TSNARE1: variants seen among roughly 807,000 people sequenced by gnomAD.
TSNARE1 encodes the protein t-SNARE domain-containing protein 1.
A neutral mutation model predicts 62.0 loss-of-function variants in TSNARE1; 49 were observed. The ratio of observed to expected loss-of-function variants is 0.79; its 90% CI spans 0.63 to 1.00. TSNARE1 has a LOEUF of 1.00. Ranked by LOEUF, TSNARE1 falls within the 50% of genes least tolerant of loss-of-function variation. The probability of loss-of-function intolerance (pLI) is 0.00; values close to 1 mark genes in which losing one functional copy is unlikely to be tolerated. For synonymous variants in TSNARE1, 328 were observed against 294.4 expected, an observed-to-expected ratio of 1.11 and a Z score of -1.17; for missense variants, 755 against 700.1, an observed-to-expected ratio of 1.08 and a Z score of -0.88.
chr8:142,247,286 G>A (rs1057025723), intron 12 of TSNARE1, among the ~76,000 whole-genome samples: 13 of 152,202 alleles, frequency 8.5e-5, no homozygotes, highest in Middle Eastern at 3.2e-3. Context: ...CCCGAGGCTC[G>A]GGGTCCAGCC....
intron 9 of TSNARE1, among the ~76,000 whole-genome samples, chr8:142,304,549 G>A (rs747179619): frequency 3.3e-5 from 5 of 152,220 alleles, no homozygotes; most frequent in Non-Finnish European, 7.3e-5. Flanking sequence ...ACCCGAGCAC[G>A]AGGCTCTCCT....
intron 4 of TSNARE1, among the ~76,000 whole-genome samples, chr8:142,341,221 G>A (rs542134201): frequency 6.6e-6 from 1 of 152,316 alleles, no homozygotes; most frequent in East Asian, 1.9e-4. Context: ...GAGAGGACAA[G>A]GACATTGAGA....
At chr8:142,331,358 C>A (rs1831002298) in intron 5 of TSNARE1, among the ~76,000 whole-genome samples, 1 of 152,242 alleles carries the variant, frequency 6.6e-6, no homozygotes, top group Non-Finnish European at 1.5e-5. Flanking sequence ...CTCTGGTCTG[C>A]ACGTCTGAGA....
intron 10 of TSNARE1, among the ~76,000 whole-genome samples, chr8:142,287,873 G>C (rs1402198550): frequency 6.6e-6 from 1 of 151,012 alleles, no homozygotes; most frequent in African/African-American, 2.4e-5. Context: ...TGGAACCCAG[G>C]ACCTCGGCCA....
chr8:142,364,249 A>G (rs1481756785), intron 1 of TSNARE1, among the ~76,000 whole-genome samples: 1 of 152,162 alleles, frequency 6.6e-6, no homozygotes, highest in Admixed American at 6.5e-5. Flanking sequence ...GAGGAAGAGA[A>G]GCATGTCCTC....
chr8:142,396,754 G>A (rs1417894067), intron 1 of TSNARE1, among the ~76,000 whole-genome samples: 1 of 152,186 alleles, frequency 6.6e-6, no homozygotes, highest in African/African-American at 2.4e-5. Context: ...GTGACTTCAG[G>A]TAAGTTTCCC....
intron 12 of TSNARE1, among the ~76,000 whole-genome samples, chr8:142,264,732 C>A (rs1819047943): frequency 6.6e-6 from 1 of 152,202 alleles, no homozygotes; most frequent in Admixed American, 6.5e-5. Context: ...CTCTCTTTTG[C>A]ATAGCTTTTG....
At position 142,379,488 on chromosome 8, in the gene TSNARE1, G is replaced by A. The variant is rs577284913; in HGVS notation, c.-40+23616C>T. ...GTTTCACAACTTCTAAAACAAACAC[G>A]GCCAACACCACTCCTGCCAGGGGCA... On this transcript the variant is annotated intron_variant, in intron 1 of 13. Coordinates refer to ENST00000524325, the MANE Select transcript of TSNARE1 (RefSeq NM_145003.5). Among the ~76,000 whole-genome samples the A allele has an allele frequency of 8.5e-5, 13 of 152,346 alleles. No individual in the cohort carries two copies. The South Asian group carries it at 1.9e-3, about 22-fold the overall frequency.
chr8:142,238,549 A>C (rs1206321345), intron 12 of TSNARE1, among the ~76,000 whole-genome samples: 1 of 151,480 alleles, frequency 6.6e-6, no homozygotes, highest in African/African-American at 2.4e-5. Flanking sequence ...ACACCGTGGT[A>C]CCTCTCCTGC....
At chr8:142,229,017 TGATG>T (rs749236436) in intron 13 of TSNARE1, among the ~76,000 whole-genome samples, 41 of 145,080 alleles carry the variant, frequency 2.8e-4, no homozygotes, top group South Asian at 1.6e-3. Context: ...GTGGATGAGT[TGATG>T]GATGGATGGA....
chr8:142,253,783 G>A (rs1241836755), intron 12 of TSNARE1, among the ~76,000 whole-genome samples: 9 of 152,220 alleles, frequency 5.9e-5, no homozygotes, highest in African/African-American at 1.7e-4. Context: ...GTGGGAACGC[G>A]TAGCCAGCCT....
Position 142,272,567 on chromosome 8 carries a change from C to CCTGT in TSNARE1, c.1446+2213_1446+2214insACAG, listed in dbSNP as rs1819743215. 8.9e-6 allele frequency: 5 copies of CCTGT among 562,080 alleles called. No individual in the cohort carries two copies. The African/African-American group carries it at 2.7e-4, about 30-fold the overall frequency. 34.8% of individuals were successfully genotyped at this position (562,080 alleles called of 1,614,324 possible). ...CCTGTCTACACCTTCCTTCCATCCA[C>CCTGT]CCACCCGTCTACACCTTCCTCCTTC... On this transcript the variant is annotated intron_variant, in intron 12 of 13. Transcript: ENST00000524325.
In TSNARE1 at chr8:142,318,592, G is replaced by T. The variant is rs144275934; in HGVS notation, c.936C>A (p.Ser312Arg). ...QQETNKTIAA[S>R]ASSVKQMAEL... ...CGGCCATCTGCTTCACGGAGCTGGC[G>T]CTGGCTGCAATGGTCTTGTTGGTCT... Residue 312 changes from serine (S) to arginine (R), a missense_variant, in exon 7 of 14, where the codon AGC (serine) becomes AGA (arginine). By Grantham distance (110) the Ser-to-Arg change is moderately radical. Coordinates refer to ENST00000524325, the MANE Select transcript of TSNARE1 (RefSeq NM_145003.5). 42 of 1,613,754 alleles carry T rather than the reference G, an allele frequency of 2.6e-5. No homozygotes were observed. In the Admixed American group the frequency reaches 4.5e-4, roughly 17 times the overall value.
rs1277509994 is a variant in TSNARE1 at position 142,274,818 on chromosome 8, G to A, written c.1409C>T (p.Ala470Val). ...SLEAASSHAE[A>V]ARQLLAGASR... is the part of the protein sequence containing the mutation. Reference sequence around the variant, plus strand: ...GGCTCCAGCCAGGAGCTGGCGGGCTGCCTCCGCATGCGAGGACGCAGCCTC... The same window carrying A: ...GGCTCCAGCCAGGAGCTGGCGGGCTACCTCCGCATGCGAGGACGCAGCCTC... The change falls in exon 12 of 14, where the codon GCA becomes GTA. Residue 470 changes from alanine (A) to valine (V), a missense_variant. Ala to Val is a moderately conservative substitution (Grantham distance 64, BLOSUM62 0). Coordinates refer to ENST00000524325, the MANE Select transcript of TSNARE1 (RefSeq NM_145003.5). The A allele has an allele frequency of 1.3e-6, 2 of 1,580,190 alleles. No homozygotes were observed. The highest frequency in any genetic ancestry group is 1.7e-6 in the Non-Finnish European group (2 of 1,163,912).
chr8:142,222,554 A>T (rs1816394033), intron 13 of TSNARE1, among the ~76,000 whole-genome samples: 1 of 142,608 alleles, frequency 7.0e-6, no homozygotes, highest in South Asian at 2.3e-4. Flanking sequence ...TCACTCACTC[A>T]CTCACTCATT....
intron 11 of TSNARE1, among the ~76,000 whole-genome samples, chr8:142,282,523 G>A (rs1039492194): frequency 1.3e-5 from 2 of 151,658 alleles, no homozygotes; most frequent in African/African-American, 4.8e-5. Context: ...GAGCAGAGGC[G>A]GGGTCAGTGT....
chr8:142,342,668 C>A (rs1392278722), intron 4 of TSNARE1, among the ~76,000 whole-genome samples: 1 of 151,964 alleles, frequency 6.6e-6, no homozygotes, highest in Admixed American at 6.5e-5. Context: ...ATGTCTATGC[C>A]CAGCACCTGT....
chr8:142,401,615 C>A (rs1209983112), intron 1 of TSNARE1, among the ~76,000 whole-genome samples: 1 of 152,124 alleles, frequency 6.6e-6, no homozygotes, highest in Admixed American at 6.5e-5. Context: ...AGGCCAGACT[C>A]AGGGGAAGTG....
At chr8:142,238,139 C>T (rs1040791495) in intron 12 of TSNARE1, among the ~76,000 whole-genome samples, 5 of 152,170 alleles carry the variant, frequency 3.3e-5, no homozygotes, top group African/African-American at 1.2e-4. Flanking sequence ...CCCCTGTTGG[C>T]CTCTTTCTGG....
Sources: allele counts gnomAD v4.1 joint callset (sites outside exome capture counted in the v4.1 genomes callset), GRCh38; gene constraint gnomAD v4.1.1; transcripts MANE v1.5; gene names NCBI Gene and HGNC (gene_info 2026-07-23, HGNC 2026-07-21).